ARHGEF38: variants seen among roughly 807,000 people sequenced by gnomAD.
ARHGEF38 encodes Rho guanine nucleotide exchange factor 38, also known as Rho guanine nucleotide exchange factor (GEF) 38.
ARHGEF38 carries 79 observed loss-of-function variants against 79.9 expected under a neutral mutation model. The observed-to-expected ratio is 0.99, with a 90% CI of 0.82 to 1.19. The LOEUF (loss-of-function observed/expected upper bound fraction) is 1.19. Ranked by LOEUF, ARHGEF38 falls within the 50% of genes most tolerant of loss-of-function variation. The pLI is 0.00. For missense variants in ARHGEF38, 962 were observed against 907.2 expected, an observed-to-expected ratio of 1.06 and a Z score of -0.78; for synonymous variants, 366 against 328.3, an observed-to-expected ratio of 1.11 and a Z score of -1.24.
At chr4:105,635,771 T>G (rs1352908723) in intron 4 of ARHGEF38, among the ~76,000 whole-genome samples, 1 of 152,054 alleles carries the variant, frequency 6.6e-6, no homozygotes, top group Non-Finnish European at 1.5e-5. Flanking sequence ...CAGTCGTGAA[T>G]AATTGCCTAA....
chr4:105,645,388 G>A lies in ARHGEF38; in HGVS notation c.874+1G>A. On this transcript the variant is annotated splice_donor_variant, in intron 6 of 13. Transcript: ENST00000420470. LOFTEE classifies it high-confidence loss of function. ...GAACTTAAAAGAAGGAAAGATTTAG[G>A]TAGGAAGAGACATGATGAATTGGTT... 1 of 1,519,748 alleles carries A rather than the reference G, an allele frequency of 6.6e-7. No individual in the cohort carries two copies. Among genetic ancestry groups the A allele is most frequent in the South Asian group, 1.2e-5 (1 of 80,510 alleles). 94.1% of individuals were successfully genotyped at this position (1,519,748 alleles called of 1,614,324 possible).
intron 2 of ARHGEF38, among the ~76,000 whole-genome samples, chr4:105,607,869 G>T (rs964342383): frequency 1.3e-5 from 2 of 152,020 alleles, no homozygotes; most frequent in Non-Finnish European, 2.9e-5. Context: ...ACCAGGCTTA[G>T]CTTTCCTCTT....
chr4:105,608,120 T>A (rs1044621572), intron 2 of ARHGEF38, among the ~76,000 whole-genome samples: 1 of 152,092 alleles, frequency 6.6e-6, no homozygotes, highest in Non-Finnish European at 1.5e-5. Context: ...TGTAACCTTT[T>A]TAATTTGTTG....
intron 2 of ARHGEF38, 64 bp from the exon 3 acceptor site, chr4:105,613,320 T>G: frequency 1.3e-6 from 2 of 1,545,488 alleles, no homozygotes; most frequent in Non-Finnish European, 1.8e-6. Flanking sequence ...GCTTACTGTT[T>G]AGGAGGAGAA....
intron 4 of ARHGEF38, chr4:105,631,589 A>G: frequency 1.0e-6 from 1 of 985,362 alleles, no homozygotes; most frequent in Non-Finnish European, 1.2e-6. Context: ...TACACAATGT[A>G]CTTTTTCTTT....
At chr4:105,588,822 A>G (rs1270160065) in intron 1 of ARHGEF38, among the ~76,000 whole-genome samples, 1 of 152,210 alleles carries the variant, frequency 6.6e-6, no homozygotes, top group African/African-American at 2.4e-5. Context: ...ATGAGAGGTA[A>G]TTGTTTTTAA....
intron 1 of ARHGEF38, among the ~76,000 whole-genome samples, chr4:105,562,899 G>A (rs1278642206): frequency 6.6e-6 from 1 of 152,210 alleles, no homozygotes; most frequent in Non-Finnish European, 1.5e-5. Flanking sequence ...GAGCTGTGAT[G>A]TGGTCTCATT....
rs528284543 is a variant in ARHGEF38, at chr4:105,619,190, T to C, written c.508+5683T>C. 2.6e-5 allele frequency among the ~76,000 whole-genome samples: 4 copies of C among 152,154 alleles called. No homozygotes were observed. The South Asian group carries it at 8.3e-4, about 32-fold the overall frequency. On this transcript the variant is annotated intron_variant, in intron 3 of 13. Coordinates refer to ENST00000420470, the MANE Select transcript of ARHGEF38 (RefSeq NM_001242729.2). ...ATATCCTTATCCTTTGTATCTGGGC[T>C]GGCCTTGCGACTTGCTTTGATCAAT...
chr4:105,679,316 T>A lies in ARHGEF38; in HGVS notation c.*1379T>A. 1.2e-6 allele frequency: 1 copy of A among 839,152 alleles called. No individual in the cohort carries two copies. Among genetic ancestry groups the A allele is most frequent in the Admixed American group, 1.9e-5 (1 of 51,580 alleles). 52.0% of individuals were successfully genotyped at this position (839,152 alleles called of 1,614,324 possible). A position where few individuals can be genotyped will look rare whatever the true frequency, so the allele number is the denominator to read the frequency against. ...ATCATGCCACTTTGCCTGTAACCTT[T>A]GACTCAATTGGAGGAATATCAAAGC... On this transcript the variant is annotated 3_prime_UTR_variant, in exon 14 of 14. Transcript: ENST00000420470.
At chr4:105,619,850 A>C (rs1292663481) in intron 3 of ARHGEF38, among the ~76,000 whole-genome samples, 1 of 152,212 alleles carries the variant, frequency 6.6e-6, no homozygotes, top group Non-Finnish European at 1.5e-5. Flanking sequence ...TTCATTCCAT[A>C]AGATAAACTG....
chr4:105,561,835 G>C (rs544325090), intron 1 of ARHGEF38, among the ~76,000 whole-genome samples: 2 of 152,270 alleles, frequency 1.3e-5, no homozygotes, highest in South Asian at 2.1e-4. Context: ...AGACCTAGGG[G>C]TTTACATAAC....
At chr4:105,585,077 A>T (rs1279004157) in intron 1 of ARHGEF38, among the ~76,000 whole-genome samples, 1 of 152,034 alleles carries the variant, frequency 6.6e-6, no homozygotes, top group East Asian at 1.9e-4. Context: ...AGAGTCATGC[A>T]TTTTTCTTGA....
chr4:105,601,338 A>G (rs1400278618), intron 2 of ARHGEF38, among the ~76,000 whole-genome samples: 2 of 152,154 alleles, frequency 1.3e-5, no homozygotes, highest in Admixed American at 1.3e-4. Context: ...GTCCGTCAAG[A>G]CTTTACTCAG....
At chr4:105,673,737 A>G (rs1731028675) in intron 13 of ARHGEF38, among the ~76,000 whole-genome samples, 1 of 152,160 alleles carries the variant, frequency 6.6e-6, no homozygotes, top group African/African-American at 2.4e-5. Context: ...GGAGGAAGGA[A>G]AAGAAGATAC....
chr4:105,654,180 C>T lies in ARHGEF38; in HGVS notation c.1113+11C>T. 7.1e-7 allele frequency: 1 copy of T among 1,415,738 alleles called. No homozygotes were observed. The highest frequency in any genetic ancestry group is 9.4e-7 in the Non-Finnish European group (1 of 1,060,096). The allele number at this position is 1,415,738 out of a possible 1,614,324, so 87.7% of individuals were successfully genotyped here. A position where few individuals can be genotyped will look rare whatever the true frequency, so the allele number is the denominator to read the frequency against. On this transcript the variant is annotated intron_variant, in intron 8 of 13. Coordinates refer to ENST00000420470, the MANE Select transcript of ARHGEF38 (RefSeq NM_001242729.2). ...CTTCAACACATACAGGTAGGTGAGACACAACTGTTTTCAGTGTTCTACAGG... is the reference window on the plus strand; with the variant it reads ...CTTCAACACATACAGGTAGGTGAGATACAACTGTTTTCAGTGTTCTACAGG...
chr4:105,588,633 A>G (rs144515457), intron 1 of ARHGEF38, among the ~76,000 whole-genome samples: 257 of 152,360 alleles, frequency 1.7e-3, no homozygotes, highest in African/African-American at 5.9e-3. Context: ...ACAGTTCAAG[A>G]ATTTTGAAAT....
At chr4:105,593,671 T>TGCTAC (rs1461165764) in intron 2 of ARHGEF38, among the ~76,000 whole-genome samples, 3 of 152,256 alleles carry the variant, frequency 2.0e-5, no homozygotes, top group Admixed American at 2.0e-4. Context: ...TTAAATAATC[T>TGCTAC]GCTACATTGG....
intron 4 of ARHGEF38, chr4:105,631,823 C>A: frequency 2.7e-6 from 1 of 370,122 alleles, no homozygotes; most frequent in Non-Finnish European, 3.7e-6. Context: ...AAGCTTAAAG[C>A]CAAAATCACT....
At position 105,668,177 on chromosome 4, in the gene ARHGEF38, T is replaced by TTTTC. The variant is rs548704683; in HGVS notation, c.2148+478_2148+481dup. 2.2e-3 allele frequency among the ~76,000 whole-genome samples: 332 copies of TTTTC among 151,636 alleles called. 2 individuals carry two copies. Among genetic ancestry groups the TTTTC allele is most frequent in the African/African-American group, 7.5e-3 (310 of 41,160 alleles). On this transcript the variant is annotated intron_variant, in intron 13 of 13. Coordinates refer to ENST00000420470, the MANE Select transcript of ARHGEF38 (RefSeq NM_001242729.2). ...ATACCACACACTATATATGGAAACTTTTTCTTTTTTTCTTTTTTTTTTGAG... is the reference window on the plus strand; with the variant it reads ...ATACCACACACTATATATGGAAACTTTTTCTTTCTTTTTTTCTTTTTTTTTTGAG...
Sources: gnomAD v4.1 joint callset for allele counts (sites outside exome capture counted in the v4.1 genomes callset) on GRCh38, gnomAD v4.1.1 for gene constraint, MANE v1.5 for transcripts, NCBI Gene and HGNC (gene_info 2026-07-23, HGNC 2026-07-21) for gene names.